Variants in NEGR1 observed in about 807,000 individuals in gnomAD.
The protein encoded by NEGR1 is neuronal growth regulator 1.
NEGR1 carries 10 observed loss-of-function variants against 40.9 expected under a neutral mutation model. The observed-to-expected ratio is 0.24, with a 90% CI of 0.15 to 0.42. The LOEUF is 0.42. Among genes scored for constraint, NEGR1 ranks in the 10% least tolerant of loss-of-function variants. NEGR1 has a pLI of 1.00. For missense variants in NEGR1, 352 were observed against 438.9 expected (o/e 0.80, Z 1.77); for synonymous variants, 185 against 166.8 (o/e 1.11, Z -0.84).
intron 4 of NEGR1, among the ~76,000 whole-genome samples, chr1:71,680,068 C>T (rs1404457355): frequency 6.6e-6 from 1 of 151,850 alleles, no homozygotes; most frequent in Non-Finnish European, 1.5e-5. Context: ...TGAATTTGGT[C>T]TATAATATTA....
intron 3 of NEGR1, among the ~76,000 whole-genome samples, chr1:71,724,148 T>C (rs1224653277): frequency 6.6e-6 from 1 of 152,192 alleles, no homozygotes; most frequent in African/African-American, 2.4e-5. Context: ...TTACTGATGC[T>C]GGATTCATTT....
At chr1:71,860,741 C>A (rs1228000612) in intron 2 of NEGR1, among the ~76,000 whole-genome samples, 1 of 151,894 alleles carries the variant, frequency 6.6e-6, no homozygotes, top group Admixed American at 6.6e-5. Flanking sequence ...GTTAAAAAGT[C>A]TTTGGAGATT....
intron 1 of NEGR1, among the ~76,000 whole-genome samples, chr1:72,213,966 A>G (rs1412766590): frequency 6.6e-6 from 1 of 152,134 alleles, no homozygotes; most frequent in Non-Finnish European, 1.5e-5. Context: ...AAAATCCTCA[A>G]TAAAACACTG....
chr1:71,683,508 T>A (rs1000877330), intron 4 of NEGR1, among the ~76,000 whole-genome samples: 2 of 141,748 alleles, frequency 1.4e-5, no homozygotes, highest in East Asian at 1.9e-4. Context: ...GTATCCAGCA[T>A]CTTAGTTGTT....
chr1:71,658,431 T>C (rs899149719), intron 4 of NEGR1, among the ~76,000 whole-genome samples: 5 of 152,274 alleles, frequency 3.3e-5, no homozygotes, highest in Non-Finnish European at 5.9e-5. Flanking sequence ...GTCCAAAGAA[T>C]CCAGAAATCC....
At chr1:71,575,641 G>C (rs1369217268) in intron 6 of NEGR1, among the ~76,000 whole-genome samples, 1 of 152,116 alleles carries the variant, frequency 6.6e-6, no homozygotes, top group East Asian at 1.9e-4. Context: ...AAATTAGCTG[G>C]GCATGGTGGC....
chr1:71,723,077 T>A lies in NEGR1; in HGVS notation c.536-24938A>T, dbSNP rs569339948. ...TTTATCTTTGTTCCTCTATATTATG[T>A]CTTTTTCATCTAGCTGCTATTAAGA... On this transcript the variant is annotated intron_variant, in intron 3 of 6. Transcript: ENST00000357731. Among the ~76,000 whole-genome samples, 207 of 152,256 alleles carry A rather than the reference T, an allele frequency of 1.4e-3. 1 individual carries two copies. The highest frequency in any genetic ancestry group is 4.7e-3 in the African/African-American group (195 of 41,568).
intron 1 of NEGR1, among the ~76,000 whole-genome samples, chr1:72,261,144 G>A (rs1655439887): frequency 6.6e-6 from 1 of 152,022 alleles, no homozygotes; most frequent in South Asian, 2.1e-4. Context: ...AGCCTAAACA[G>A]ATGGCCACAG....
chr1:72,134,455 C>A (rs1205554638), intron 1 of NEGR1, among the ~76,000 whole-genome samples: 1 of 151,886 alleles, frequency 6.6e-6, no homozygotes, highest in Non-Finnish European at 1.5e-5. Flanking sequence ...CCACCCGCCT[C>A]GGCCTCCCAA....
chr1:71,664,184 C>G (rs1237359503), intron 4 of NEGR1, among the ~76,000 whole-genome samples: 1 of 152,182 alleles, frequency 6.6e-6, no homozygotes, highest in Non-Finnish European at 1.5e-5. Context: ...ATCTGTACCA[C>G]AAGCTCACTG....
intron 1 of NEGR1, among the ~76,000 whole-genome samples, chr1:72,253,089 T>C (rs1400857361): frequency 6.6e-6 from 1 of 152,206 alleles, no homozygotes; most frequent in Non-Finnish European, 1.5e-5. Context: ...GACCTGAAGA[T>C]GTTGAAATTG....
intron 2 of NEGR1, among the ~76,000 whole-genome samples, chr1:71,805,908 A>G (rs1295031657): frequency 5.3e-5 from 8 of 152,230 alleles, no homozygotes; most frequent in Admixed American, 5.2e-4. Flanking sequence ...TTATCCAAAT[A>G]AAAATGATTG....
At chr1:71,927,210 A>G (rs967830764) in intron 2 of NEGR1, among the ~76,000 whole-genome samples, 9 of 152,184 alleles carry the variant, frequency 5.9e-5, no homozygotes, top group Non-Finnish European at 1.0e-4. Flanking sequence ...AATTCTAGCC[A>G]GAAGGGATTG....
At position 71,549,884 on chromosome 1, in the gene NEGR1, A is replaced by G. The variant is rs575333167; in HGVS notation, c.940+42933T>C. ...AAGCTTCTAGTATAGAGCCAGGCAT[A>G]TAGCAAGTGTTCAACAAACTTCAGT... On this transcript the variant is annotated intron_variant, in intron 6 of 6. Coordinates refer to ENST00000357731, the MANE Select transcript of NEGR1 (RefSeq NM_173808.3). Among the ~76,000 whole-genome samples the G allele has an allele frequency of 3.8e-4, 58 of 151,810 alleles. No homozygotes were observed. The South Asian group carries it at 0.011, about 28-fold the overall frequency.
intron 3 of NEGR1, among the ~76,000 whole-genome samples, chr1:71,759,869 A>C (rs891263718): frequency 5.3e-5 from 8 of 151,908 alleles, no homozygotes; most frequent in Admixed American, 4.6e-4. Flanking sequence ...TCGGCCTCCC[A>C]AATTACTGGG....
chr1:71,405,270 A>G lies in NEGR1; in HGVS notation c.*2176T>C, dbSNP rs1646271334. On this transcript the variant is annotated 3_prime_UTR_variant, in exon 7 of 7. Coordinates refer to ENST00000357731, the MANE Select transcript of NEGR1 (RefSeq NM_173808.3). ...TACAAAGAGGAGGTATTTTAACTCT[A>G]GGAAAGCGGTCACTGAATAATATGC... 6.6e-6 allele frequency: 1 copy of G among 152,262 alleles called. No homozygotes were observed. The highest frequency in any genetic ancestry group is 2.1e-4 in the South Asian group (1 of 4,828). 9.4% of individuals were successfully genotyped at this position (152,262 alleles called of 1,614,324 possible). A position where few individuals can be genotyped will look rare whatever the true frequency, so the allele number is the denominator to read the frequency against.
At chr1:71,449,933 A>AT (rs1222251787) in intron 6 of NEGR1, among the ~76,000 whole-genome samples, 13 of 150,656 alleles carry the variant, frequency 8.6e-5, no homozygotes, top group African/African-American at 3.2e-4. Flanking sequence ...GAATAAATTT[A>AT]TTTTTATATT....
At chr1:72,078,182 T>C (rs1274163343) in intron 1 of NEGR1, among the ~76,000 whole-genome samples, 2 of 152,160 alleles carry the variant, frequency 1.3e-5, no homozygotes, top group African/African-American at 2.4e-5. Context: ...TAAAGAGTTA[T>C]CTAAGTCAAA....
intron 1 of NEGR1, among the ~76,000 whole-genome samples, chr1:72,032,362 A>G (rs1347104657): frequency 6.6e-6 from 1 of 152,182 alleles, no homozygotes; most frequent in African/African-American, 2.4e-5. Flanking sequence ...CAGAGTAGGA[A>G]GGTAATAGGA....
Sources: gnomAD v4.1 joint callset for allele counts (sites outside exome capture counted in the v4.1 genomes callset) on GRCh38, gnomAD v4.1.1 for gene constraint, MANE v1.5 for transcripts, NCBI Gene and HGNC (gene_info 2026-07-23, HGNC 2026-07-21) for gene names.